SLC37A1: variants seen among roughly 807,000 people sequenced by gnomAD.
The protein encoded by SLC37A1 is glucose-6-phosphate exchanger SLC37A1.
A neutral mutation model predicts 75.3 loss-of-function variants in SLC37A1; 49 were observed. That is an observed-to-expected ratio of 0.65 (90% CI 0.52 to 0.83). The LOEUF is 0.83. SLC37A1 is among the 40% of genes least tolerant of loss of function. The pLI is 0.00. For synonymous variants in SLC37A1, 268 were observed against 292.1 expected, an observed-to-expected ratio of 0.92 and a Z score of 0.84; for missense variants, 566 against 695.0, an observed-to-expected ratio of 0.81 and a Z score of 2.09.
At chr21:42,564,998 G>A (rs950150431) in intron 14 of SLC37A1, among the ~76,000 whole-genome samples, 2 of 152,286 alleles carry the variant, frequency 1.3e-5, no homozygotes, top group Admixed American at 1.3e-4. Context: ...CACAGCTGCT[G>A]CTGGTTTAGC....
intron 17 of SLC37A1, among the ~76,000 whole-genome samples, chr21:42,573,025 G>T (rs2056223556): frequency 6.6e-6 from 1 of 152,150 alleles, no homozygotes; most frequent in African/African-American, 2.4e-5. Context: ...GGGAGCCTGG[G>T]TCCAGCTGCC....
intron 10 of SLC37A1, among the ~76,000 whole-genome samples, chr21:42,558,251 CA>C (rs952479108): frequency 3.3e-5 from 5 of 152,270 alleles, no homozygotes; most frequent in Admixed American, 2.6e-4. Context: ...AACGTCTAGA[CA>C]ATCAGAATTC....
chr21:42,580,516 CT>C lies in SLC37A1; in HGVS notation c.*157del, dbSNP rs1312003907. On this transcript the variant is annotated 3_prime_UTR_variant, in exon 20 of 20. Coordinates refer to ENST00000352133, the MANE Select transcript of SLC37A1 (RefSeq NM_001320537.2). ...GACACAGAAGCCAACCTGAGAACCC[CT>C]GGTGCTATTTTAAAGGAGACATATT... is the stretch of plus-strand genomic sequence containing the variant. The C allele has an allele frequency of 7.3e-5, 54 of 737,644 alleles. No homozygotes were observed. The highest frequency in any genetic ancestry group is 1.1e-5 in the Non-Finnish European group (5 of 454,266). The allele number at this position is 737,644 out of a possible 1,614,324, so 45.7% of individuals were successfully genotyped here.
At chr21:42,572,852 CCA>C (rs1176952399) in intron 17 of SLC37A1, among the ~76,000 whole-genome samples, 1 of 152,006 alleles carries the variant, frequency 6.6e-6, no homozygotes, top group Non-Finnish European at 1.5e-5. Flanking sequence ...GGGGTGTTCC[CCA>C]GACACAGGGC....
chr21:42,520,579 T>A (rs67887143), intron 2 of SLC37A1, among the ~76,000 whole-genome samples: 22,226 of 152,056 alleles, frequency 0.15, 2,371 homozygotes, highest in African/African-American at 0.3. Context: ...TGAGGTTGGA[T>A]TGGAATGAAA....
At position 42,580,580 on chromosome 21, in the gene SLC37A1, C is replaced by A; in HGVS notation, c.*220C>A. ...TGAGAAAAGTCTGCAGGAACTGCTG[C>A]CTGAGCCAAGCCAGAGAACCGAAGA... On this transcript the variant is annotated 3_prime_UTR_variant, in exon 20 of 20. Coordinates refer to ENST00000352133, the MANE Select transcript of SLC37A1 (RefSeq NM_001320537.2). 1 of 583,224 alleles carries A rather than the reference C, an allele frequency of 1.7e-6. No homozygotes were observed. The highest frequency in any genetic ancestry group is 2.1e-5 in the South Asian group (1 of 46,716). The allele number at this position is 583,224 out of a possible 1,614,324, so 36.1% of individuals were successfully genotyped here.
chr21:42,571,342 G>A (rs763171579), intron 17 of SLC37A1, among the ~76,000 whole-genome samples: 9 of 152,228 alleles, frequency 5.9e-5, no homozygotes, highest in Non-Finnish European at 1.0e-4. Flanking sequence ...CACGGTGTGC[G>A]CCTGGGGCGT....
chr21:42,503,529 G>A (rs146983346), intron 2 of SLC37A1, among the ~76,000 whole-genome samples: 2,749 of 152,238 alleles, frequency 0.018, 75 homozygotes, highest in African/African-American at 0.063. Context: ...AATTACAGGT[G>A]TGAGCCACCA....
At chr21:42,525,647 A>G (rs970993855) in intron 2 of SLC37A1, 129 bp from the exon 3 acceptor site, 1 of 652,332 alleles carries the variant, frequency 1.5e-6, no homozygotes, top group South Asian at 1.9e-5. Context: ...GACATAAGTA[A>G]TATTGATAAT....
chr21:42,547,060 T>G lies in SLC37A1; in HGVS notation c.731-43T>G. 6.2e-7 allele frequency: 1 copy of G among 1,614,020 alleles called. No homozygotes were observed. The highest frequency in any genetic ancestry group is 2.2e-5 in the East Asian group (1 of 44,880). ...TTACGTAGCTTACTTGGCATTGCCA[T>G]GGTGGTGGACCTGCTCAGCCTCACT... On this transcript the variant is annotated intron_variant, in intron 8 of 19. Transcript: ENST00000352133. The surrounding 1 kb of genome is among the most constrained non-coding windows in gnomAD (Gnocchi z 6.1).
At chr21:42,574,983 G>GT in intron 18 of SLC37A1, 68 bp downstream of exon 18, 6 of 1,598,138 alleles carry the variant, frequency 3.8e-6, no homozygotes, top group Non-Finnish European at 5.1e-6. Context: ...CCAAACACTG[G>GT]TGGAACTTTC....
intron 10 of SLC37A1, among the ~76,000 whole-genome samples, chr21:42,555,052 C>T (rs2055654254): frequency 7.2e-6 from 1 of 139,314 alleles, no homozygotes; most frequent in South Asian, 2.5e-4. Flanking sequence ...GTGGCATGAT[C>T]TCGGCTCACT....
intron 2 of SLC37A1, chr21:42,502,679 A>G (rs1237356934): frequency 6.6e-6 from 1 of 152,188 alleles, no homozygotes; most frequent in African/African-American, 2.4e-5. Context: ...CAACTTTAAT[A>G]TCTTACCAGA....
intron 10 of SLC37A1, among the ~76,000 whole-genome samples, chr21:42,554,395 G>A (rs574099177): frequency 4.8e-4 from 73 of 152,296 alleles, no homozygotes; most frequent in African/African-American, 1.7e-3. Context: ...ACTATTCCAG[G>A]TGTTGGGGGC....
intron 9 of SLC37A1, among the ~76,000 whole-genome samples, chr21:42,553,125 G>A (rs960443607): frequency 1.3e-5 from 2 of 152,178 alleles, no homozygotes; most frequent in African/African-American, 2.4e-5. Context: ...TGTCTTCCCC[G>A]TGTTTCCCGC....
At chr21:42,576,949 A>T (rs1220556475) in intron 18 of SLC37A1, among the ~76,000 whole-genome samples, 1 of 152,268 alleles carries the variant, frequency 6.6e-6, no homozygotes, top group Non-Finnish European at 1.5e-5. Flanking sequence ...GTAATTCCAG[A>T]GGAAGATGAT....
chr21:42,570,000 G>C (rs117253143), intron 17 of SLC37A1, among the ~76,000 whole-genome samples: 1 of 151,694 alleles, frequency 6.6e-6, no homozygotes, highest in Admixed American at 6.6e-5. Flanking sequence ...TCTGAGAAGC[G>C]GCGGGCAGGG....
At chr21:42,504,799 A>G (rs1230091913) in intron 2 of SLC37A1, among the ~76,000 whole-genome samples, 2 of 152,192 alleles carry the variant, frequency 1.3e-5, no homozygotes, top group Non-Finnish European at 2.9e-5. Flanking sequence ...CTCAAACTCA[A>G]CAAGGGCAAA....
At chr21:42,557,263 A>G (rs1308342959) in intron 10 of SLC37A1, among the ~76,000 whole-genome samples, 2 of 152,210 alleles carry the variant, frequency 1.3e-5, no homozygotes, top group East Asian at 3.9e-4. Context: ...CTATGAGTGG[A>G]ACTCGCCTGG....
Sources: allele counts gnomAD v4.1 joint callset (sites outside exome capture counted in the v4.1 genomes callset), GRCh38; gene constraint gnomAD v4.1.1; non-coding constraint Gnocchi (gnomAD v3.1); transcripts MANE v1.5; gene names NCBI Gene and HGNC (gene_info 2026-07-23, HGNC 2026-07-21).